IGSF9B: variants seen among roughly 807,000 people sequenced by gnomAD.
The protein encoded by IGSF9B is protein turtle homolog B.
Under a neutral mutation model 143.7 loss-of-function variants are expected in IGSF9B, and 48 were observed. The ratio of observed to expected loss-of-function variants is 0.33; its 90% confidence interval spans 0.26 to 0.42. IGSF9B has a LOEUF of 0.42. IGSF9B is among the 20% of genes least tolerant of loss of function. IGSF9B has a pLI of 1.00. For missense variants in IGSF9B, 1,706 were observed against 1,980.0 expected, an observed-to-expected ratio of 0.86 and a Z score of 2.63; for synonymous variants, 903 against 833.1, an observed-to-expected ratio of 1.08 and a Z score of -1.44.
intron 8 of IGSF9B, 41 bp downstream of exon 8, chr11:133,932,030 G>A: frequency 1.9e-6 from 3 of 1,586,940 alleles, no homozygotes; most frequent in Non-Finnish European, 2.6e-6. Flanking sequence ...AGTACTGGGG[G>A]GAGCCCTCAC....
rs1007335714 is a variant in IGSF9B, at chr11:133,905,394, T to G, written c.*3675A>C. On this transcript the variant is annotated 3_prime_UTR_variant, in exon 20 of 20. Coordinates refer to ENST00000533871, the MANE Select transcript of IGSF9B (RefSeq NM_001277285.4). This position sits in a 1 kb window ranked among gnomAD's most constrained non-coding sequence, Gnocchi z 4.0. ...CTGTTTCTCCCTAGAAGCTACTGTT[T>G]CGTCAACCTTGTCCCCCACCCCAAA... 2.0e-5 allele frequency among the ~76,000 whole-genome samples: 3 copies of G among 151,956 alleles called. No individual in the cohort carries two copies. The highest frequency in any genetic ancestry group is 7.3e-5 in the African/African-American group (3 of 41,372).
chr11:133,912,155 C>G, intron 18 of IGSF9B, 148 bp from the exon 19 acceptor site: 3 of 907,936 alleles, frequency 3.3e-6, no homozygotes, highest in Non-Finnish European at 5.1e-6. Flanking sequence ...CTCCATGACA[C>G]CCGCCTTTCT....
At position 133,920,185 on chromosome 11, in the gene IGSF9B, G is replaced by A; in HGVS notation, c.3540C>T (p.Ser1180=). 1 of 1,513,302 alleles carries A rather than the reference G, an allele frequency of 6.6e-7. No individual in the cohort carries two copies. The allele number at this position is 1,513,302 out of a possible 1,614,324, so 93.7% of individuals were successfully genotyped here. ...WYEPQPRPRP[S]PRQARRAEPS... ...GCTCGGCGCGCCTGGCCTGCCGAGG[G>A]CTAGGCCGGGGCCGGGGCTGGGGCT... is the stretch of plus-strand genomic sequence containing the variant. Residue 1180 remains serine (S), a synonymous_variant, in exon 18 of 20, where the codon AGC becomes AGT. Transcript: ENST00000533871.
In IGSF9B at chr11:133,922,212, G is replaced by A; in HGVS notation, c.2292C>T (p.Leu764=). ...GGCTCTTCCTGCAGTGGGTGATGGA[G>A]AGTGGAGGGTCTGGAAGGAAAGAGA... The part of the protein sequence containing the change: ...RKLKRKKDPP[L]SITHCRKSLE... The change falls in exon 17 of 20, where the codon CTC becomes CTT. Residue 764 remains leucine (L), a synonymous_variant. Coordinates refer to ENST00000533871, the MANE Select transcript of IGSF9B (RefSeq NM_001277285.4). 1.9e-6 allele frequency: 3 copies of A among 1,612,928 alleles called. No homozygotes were observed. The highest frequency in any genetic ancestry group is 2.5e-6 in the Non-Finnish European group (3 of 1,179,478).
At position 133,948,046 on chromosome 11, in the gene IGSF9B, A is replaced by C. The variant is rs1460669328; in HGVS notation, c.65-1788T>G. ...ATCTCTCTCCCTGTTTCTGTCTACCAGCATGTGTGCGTGTGTGTGTGTGTG... is the reference window on the plus strand; with the variant it reads ...ATCTCTCTCCCTGTTTCTGTCTACCCGCATGTGTGCGTGTGTGTGTGTGTG... On this transcript the variant is annotated intron_variant, in intron 1 of 19. Coordinates refer to ENST00000533871, the MANE Select transcript of IGSF9B (RefSeq NM_001277285.4). This position sits in a 1 kb window ranked among gnomAD's most constrained non-coding sequence, Gnocchi z 4.7. Among the ~76,000 whole-genome samples the C allele has an allele frequency of 7.6e-6, 1 of 131,560 alleles. No homozygotes were observed. Among genetic ancestry groups the C allele is most frequent in the Non-Finnish European group, 1.6e-5 (1 of 64,344 alleles). 86.3% of individuals were successfully genotyped at this position (131,560 alleles called of 152,430 possible).
At chr11:133,926,407 GCGCCACCTA>G (rs1403695537) in intron 13 of IGSF9B, among the ~76,000 whole-genome samples, 1 of 152,172 alleles carries the variant, frequency 6.6e-6, no homozygotes, top group East Asian at 1.9e-4. Context: ...GGCTGGAGTC[GCGCCACCTA>G]CACCACCTAG....
At chr11:133,919,032 C>G in intron 18 of IGSF9B, 1 of 498,212 alleles carries the variant, frequency 2.0e-6, no homozygotes, top group Non-Finnish European at 4.1e-6. Context: ...ACCTGGAATA[C>G]CAGCTGCTAC....
chr11:133,930,279 G>A (rs577729343), intron 11 of IGSF9B, among the ~76,000 whole-genome samples: 5 of 152,256 alleles, frequency 3.3e-5, no homozygotes, highest in African/African-American at 7.2e-5. Context: ...GCGATGTGAC[G>A]CCGGAGAAAG....
In IGSF9B at chr11:133,903,618, T is replaced by G. The variant is rs1169120322; in HGVS notation, c.*5451A>C. Among the ~76,000 whole-genome samples the G allele has an allele frequency of 6.6e-6, 1 of 152,200 alleles. No homozygotes were observed. Among genetic ancestry groups the G allele is most frequent in the Non-Finnish European group, 1.5e-5 (1 of 68,032 alleles). On this transcript the variant is annotated 3_prime_UTR_variant, in exon 20 of 20. Transcript: ENST00000533871. ...CTACATGGGATCCCTCAGGGGATGG[T>G]GGTGTCTTTGGACCAAATTCAATCT...
chr11:133,935,975 G>T (rs188125965), intron 6 of IGSF9B, 78 bp downstream of exon 6: 2 of 1,537,630 alleles, frequency 1.3e-6, no homozygotes, highest in African/African-American at 2.7e-5. Flanking sequence ...CAGCCTGCCC[G>T]TGCAATTTCT....
In IGSF9B at chr11:133,903,226, C is replaced by A. The variant is rs1220790457; in HGVS notation, c.*5843G>T. The stretch of plus-strand genomic sequence containing the variant: ...CCACAGAGAGGTAGGATTGGTGGAG[C>A]ACACTTCTTCAAGACCCGAAAGAAA... On this transcript the variant is annotated 3_prime_UTR_variant, in exon 20 of 20. Coordinates refer to ENST00000533871, the MANE Select transcript of IGSF9B (RefSeq NM_001277285.4). Among the ~76,000 whole-genome samples the A allele has an allele frequency of 6.6e-6, 1 of 152,016 alleles. No individual in the cohort carries two copies. Among genetic ancestry groups the A allele is most frequent in the Non-Finnish European group, 1.5e-5 (1 of 68,014 alleles).
chr11:133,945,912 C>A lies in IGSF9B; in HGVS notation c.262+149G>T, dbSNP rs1940039981. 3.2e-6 allele frequency: 2 copies of A among 630,470 alleles called. No individual in the cohort carries two copies. The highest frequency in any genetic ancestry group is 1.9e-5 in the African/African-American group (1 of 53,996). The allele number at this position is 630,470 out of a possible 1,614,324, so 39.1% of individuals were successfully genotyped here. A position where few individuals can be genotyped will look rare whatever the true frequency, so the allele number is the denominator to read the frequency against. On this transcript the variant is annotated intron_variant, in intron 2 of 19. Transcript: ENST00000533871. This position sits in a 1 kb window ranked among gnomAD's most constrained non-coding sequence, Gnocchi z 4.6. ...CTCTCCTCCCACCGCTTGATTAGAA[C>A]CAACAGAGGACAAAGGATGGGAGGA...
chr11:133,932,314 G>A, intron 7 of IGSF9B, 101 bp from the exon 8 acceptor site: 3 of 1,281,978 alleles, frequency 2.3e-6, no homozygotes, highest in Admixed American at 4.2e-5. Context: ...GACAGACACA[G>A]GGAAGCCAGG....
In IGSF9B at chr11:133,931,830, G is replaced by C. The variant is rs977974779; in HGVS notation, c.1111-35C>G. 3.7e-6 allele frequency: 6 copies of C among 1,607,348 alleles called. No individual in the cohort carries two copies. The highest frequency in any genetic ancestry group is 5.1e-6 in the Non-Finnish European group (6 of 1,177,886). On this transcript the variant is annotated intron_variant, in intron 8 of 19. Transcript: ENST00000533871. The surrounding 1 kb of genome is among the most constrained non-coding windows in gnomAD (Gnocchi z 7.7). ...ACAGACGATAGGGCAGGGAACGCTG[G>C]TCAGAGACTCCGCGCTCCATCCCAG...
chr11:133,919,937 C>A lies in IGSF9B; in HGVS notation c.3788G>T (p.Arg1263Leu), dbSNP rs1232714871. ...GGGCCGGTAGCTGGGACTCCCACTG[C>A]GGCTGCTCTGGGAGGGGGAGCCTGT... ...PSTGSPSQSS[R>L]SGSPSYRPAM... The change falls in exon 18 of 20, where the codon CGC becomes CTC. Residue 1263 changes from arginine (R) to leucine (L), a missense_variant. Arg to Leu is a moderately radical substitution (Grantham distance 102). Around this residue, in one of 7 missense-constraint regions of IGSF9B, gnomAD observed 880 missense variants for 762.9 expected, o/e 1.15. Transcript: ENST00000533871. 1.9e-6 allele frequency: 3 copies of A among 1,555,976 alleles called. No homozygotes were observed. The highest frequency in any genetic ancestry group is 2.3e-5 in the East Asian group (1 of 44,088).
intron 5 of IGSF9B, among the ~76,000 whole-genome samples, chr11:133,937,144 C>A (rs1026791102): frequency 1.3e-5 from 2 of 152,202 alleles, no homozygotes; most frequent in African/African-American, 2.4e-5. Flanking sequence ...CTCTCTGCCA[C>A]GCCATGTGGT....
chr11:133,956,944 GC>G lies in IGSF9B; in HGVS notation c.-191del. On this transcript the variant is annotated 5_prime_UTR_variant, in exon 1 of 20. Coordinates refer to ENST00000533871, the MANE Select transcript of IGSF9B (RefSeq NM_001277285.4). The stretch of plus-strand genomic sequence containing the variant: ...GCTCGGCTCGGCGCGCGCCTCCCCG[GC>G]CCCGGCGCAGCGGCACCTGCACTAC... 2.6e-6 allele frequency: 1 copy of G among 379,886 alleles called. No homozygotes were observed. The allele number at this position is 379,886 out of a possible 1,614,324, so 23.5% of individuals were successfully genotyped here. A position where few individuals can be genotyped will look rare whatever the true frequency, so the allele number is the denominator to read the frequency against.
rs1939197359 is a variant in IGSF9B, at chr11:133,905,495, C to T, written c.*3574G>A. Reference sequence around the variant, plus strand: ...AAAAGGGCAGAGGAATAAATTAAATCAGTTCAACCCCAAATATTTTAGATC... The same window carrying T: ...AAAAGGGCAGAGGAATAAATTAAATTAGTTCAACCCCAAATATTTTAGATC... On this transcript the variant is annotated 3_prime_UTR_variant, in exon 20 of 20. Transcript: ENST00000533871. This position sits in a 1 kb window ranked among gnomAD's most constrained non-coding sequence, Gnocchi z 4.0. Among the ~76,000 whole-genome samples the T allele has an allele frequency of 6.6e-6, 1 of 152,214 alleles. No homozygotes were observed. The highest frequency in any genetic ancestry group is 1.5e-5 in the Non-Finnish European group (1 of 68,036).
chr11:133,919,635 C>T (rs1939470651), intron 18 of IGSF9B, 107 bp downstream of exon 18: 3 of 743,680 alleles, frequency 4.0e-6, no homozygotes, highest in African/African-American at 1.8e-5. Context: ...GCGGCATGTC[C>T]GCACGAGCCC....
Sources: allele counts gnomAD v4.1 joint callset (sites outside exome capture counted in the v4.1 genomes callset), GRCh38; gene constraint gnomAD v4.1.1; regional missense constraint gnomAD v4.1.1; non-coding constraint Gnocchi (gnomAD v3.1); transcripts MANE v1.5; gene names NCBI Gene and HGNC (gene_info 2026-07-23, HGNC 2026-07-21).